The following RYR1 variants were observed in gnomAD, a reference collection of about 807,000 sequenced individuals.
The protein encoded by RYR1 is ryanodine receptor 1.
RYR1 carries 342 observed loss-of-function variants against 583.5 expected under a neutral mutation model. The observed-to-expected ratio is 0.59, with a 90% confidence interval of 0.54 to 0.64. The LOEUF is 0.64. Ranked by LOEUF, RYR1 falls within the 30% of genes least tolerant of loss-of-function variation. The pLI, the probability that RYR1 is intolerant of heterozygous loss-of-function variation, is 0.00. For synonymous variants in RYR1, 2,791 were observed against 2,822.5 expected, an observed-to-expected ratio of 0.99 and a Z score of 0.35; for missense variants, 6,032 against 6,917.2, an observed-to-expected ratio of 0.87 and a Z score of 4.54.
intron 64 of RYR1, among the ~76,000 whole-genome samples, 190 bp downstream of exon 64, chr19:38,515,297 G>A (rs2915942): frequency 7.2e-5 from 11 of 152,068 alleles, no homozygotes; most frequent in Non-Finnish European, 1.5e-4. Context: ...AGGTAGAGCC[G>A]CCAGGTCTGG....
At chr19:38,562,778 C>G (rs564835914) in intron 90 of RYR1, among the ~76,000 whole-genome samples, 17 of 152,214 alleles carry the variant, frequency 1.1e-4, no homozygotes, top group Non-Finnish European at 2.2e-4. Flanking sequence ...CCACGTCCAC[C>G]GTGCACACTG....
At position 38,551,352 on chromosome 19, in the gene RYR1, G is replaced by A. The variant is rs991442253; in HGVS notation, c.12282+2932G>A. On this transcript the variant is annotated intron_variant, in intron 89 of 105. Transcript: ENST00000359596. The stretch of plus-strand genomic sequence containing the variant: ...CCCGCCTCAGCCTCCCAGAGTGCTG[G>A]GATTACAGGTGTGAGCCACTGCACC... Among the ~76,000 whole-genome samples, 11 of 151,956 alleles carry A rather than the reference G, an allele frequency of 7.2e-5. No homozygotes were observed. The East Asian group carries it at 1.4e-3, about 19-fold the overall frequency.
chr19:38,567,929 G>T lies in RYR1; in HGVS notation c.13659+12G>T. The T allele has an allele frequency of 6.2e-7, 1 of 1,612,818 alleles. No homozygotes were observed. Among genetic ancestry groups the T allele is most frequent in the Non-Finnish European group, 8.5e-7 (1 of 1,179,862 alleles). On this transcript the variant is annotated intron_variant, in intron 93 of 105. Coordinates refer to ENST00000359596, the MANE Select transcript of RYR1 (RefSeq NM_000540.3). ...GGGTGAAGTTCCTGGTAAGGATCCAGCCAGGTCACCTGAACCTTCTTCTCC... is the reference window on the plus strand; with the variant it reads ...GGGTGAAGTTCCTGGTAAGGATCCATCCAGGTCACCTGAACCTTCTTCTCC...
At chr19:38,566,890 T>A in intron 91 of RYR1, 21 bp from the exon 92 acceptor site, 1 of 1,596,362 alleles carries the variant, frequency 6.3e-7, no homozygotes, top group Non-Finnish European at 8.5e-7. Context: ...GACTCAGCCC[T>A]GATGCTTGCC....
intron 31 of RYR1, among the ~76,000 whole-genome samples, chr19:38,480,600 G>T (rs1471810794): frequency 6.7e-6 from 1 of 149,568 alleles, no homozygotes; most frequent in Non-Finnish European, 1.5e-5. Context: ...TCACCTAAAA[G>T]AAAAAAAAAC....
chr19:38,471,589 G>GA (rs1314549466), intron 27 of RYR1, among the ~76,000 whole-genome samples: 1 of 150,470 alleles, frequency 6.6e-6, no homozygotes. Flanking sequence ...AAAGAGGAGA[G>GA]AAAAAAGACC....
At position 38,561,052 on chromosome 19, in the gene RYR1, AAAAAAGAG is replaced by A. The variant is rs1189769859; in HGVS notation, c.12283-59_12283-52del. On this transcript the variant is annotated intron_variant, in intron 89 of 105. Transcript: ENST00000359596. This position sits in a 1 kb window ranked among gnomAD's most constrained non-coding sequence, Gnocchi z 4.8. ...CGAGACCTTGTCTTAAAAAAAAAAA[AAAAAAGAG>A]AGAGAATTGAGGCTCTCCAGGTCAC... 8.2e-6 allele frequency: 12 copies of A among 1,463,990 alleles called. No individual in the cohort carries two copies. The highest frequency in any genetic ancestry group is 2.4e-5 in the East Asian group (1 of 42,412). 90.7% of individuals were successfully genotyped at this position (1,463,990 alleles called of 1,614,324 possible). A position where few individuals can be genotyped will look rare whatever the true frequency, so the allele number is the denominator to read the frequency against.
chr19:38,458,244 G>A lies in RYR1; in HGVS notation c.2119G>A (p.Gly707Ser), dbSNP rs376526576. 1 of 1,613,988 alleles carries A rather than the reference G, an allele frequency of 6.2e-7. No homozygotes were observed. The highest frequency in any genetic ancestry group is 8.5e-7 in the Non-Finnish European group (1 of 1,180,002). Residue 707 changes from glycine (G) to serine (S), a missense_variant, in exon 18 of 106, where the codon GGC becomes AGC. By Grantham distance (56) the Gly-to-Ser change is moderately conservative (BLOSUM62 0). This residue lies in a region of RYR1 where 2,627 missense variants were observed against 2,961.3 expected (regional missense o/e 0.89). Transcript: ENST00000359596. ...CGAGGGCTGGGGCGGCAACGGGGTCGGCGATGACCTCTATTCCTACGGCTT... is the reference window on the plus strand; with the variant it reads ...CGAGGGCTGGGGCGGCAACGGGGTCAGCGATGACCTCTATTCCTACGGCTT... ...AGEGWGGNGV[G>S]DDLYSYGFDG...
At chr19:38,537,749 T>C in intron 83 of RYR1, 131 bp from the exon 84 acceptor site, 4 of 861,146 alleles carry the variant, frequency 4.6e-6, no homozygotes, top group Middle Eastern at 3.3e-4. Flanking sequence ...GTCTTTGGAG[T>C]GGCAGCTGCT....
rs544169735 is a variant in RYR1, at chr19:38,502,840, C to T, written c.7836-40C>T. ...GCAGGGGCAGGGGCAGCAGAGCGGGCCTGGACGGGGGATTCTACATCTTGT... is the reference window on the plus strand; with the variant it reads ...GCAGGGGCAGGGGCAGCAGAGCGGGTCTGGACGGGGGATTCTACATCTTGT... On this transcript the variant is annotated intron_variant, in intron 48 of 105. Coordinates refer to ENST00000359596, the MANE Select transcript of RYR1 (RefSeq NM_000540.3). The T allele has an allele frequency of 1.8e-5, 28 of 1,590,932 alleles. No individual in the cohort carries two copies. The highest frequency in any genetic ancestry group is 8.4e-5 in the Admixed American group (5 of 59,302).
chr19:38,447,485 G>A (rs867715766), intron 9 of RYR1, among the ~76,000 whole-genome samples: 14 of 152,168 alleles, frequency 9.2e-5, no homozygotes, highest in African/African-American at 3.4e-4. Context: ...CGGTTGCAGT[G>A]AGCTGAGATT....
chr19:38,505,028 T>C lies in RYR1; in HGVS notation c.8257T>C (p.Ser2753Pro), dbSNP rs778813294. 10 of 1,614,114 alleles carry C rather than the reference T, an allele frequency of 6.2e-6. No individual in the cohort carries two copies. The South Asian group carries it at 1.1e-4, about 18-fold the overall frequency. ...LNVIIPEKLD[S>P]FINKFAEYTH... ...TGTGATCATCCCGGAGAAGCTGGACTCCTTCATTAACAAGTTTGCGGAGTA... is the reference window on the plus strand; with the variant it reads ...TGTGATCATCCCGGAGAAGCTGGACCCCTTCATTAACAAGTTTGCGGAGTA... Residue 2753 changes from serine to proline, a missense_variant, in exon 52 of 106, where the codon TCC (serine) becomes CCC (proline). By Grantham distance (74) the Ser-to-Pro change is moderately conservative (BLOSUM62 -1). Transcript: ENST00000359596.
chr19:38,566,774 C>T, intron 91 of RYR1, 137 bp from the exon 92 acceptor site: 2 of 1,486,626 alleles, frequency 1.3e-6, no homozygotes, highest in Non-Finnish European at 1.8e-6. Context: ...TCATAATCTG[C>T]CTCTTTCTGG....
chr19:38,514,899 A>T (rs114618055), intron 63 of RYR1, 127 bp from the exon 64 acceptor site: 1 of 710,822 alleles, frequency 1.4e-6, no homozygotes. Context: ...AGACTCGTAC[A>T]TGGAAGGCTG....
In RYR1 at chr19:38,506,851, G is replaced by C. The variant is rs368684717; in HGVS notation, c.8715G>C (p.Leu2905=). The C allele has an allele frequency of 1.2e-4, 199 of 1,614,054 alleles. No homozygotes were observed. Among genetic ancestry groups the C allele is most frequent in the Middle Eastern group, 1.2e-3 (7 of 6,020 alleles). ...EAKGGGTHPL[L]VPYDTLTAKE... ...CAGGCGGTGGGACCCACCCCCTGCT[G>C]GTCCCCTACGACACGCTCACGGCCA... The change falls in exon 57 of 106, where the codon CTG becomes CTC. Residue 2905 remains leucine (L), a synonymous_variant. Coordinates refer to ENST00000359596, the MANE Select transcript of RYR1 (RefSeq NM_000540.3).
chr19:38,582,591 C>G (rs1974264703), intron 101 of RYR1, among the ~76,000 whole-genome samples: 1 of 152,024 alleles, frequency 6.6e-6, no homozygotes, highest in African/African-American at 2.4e-5. Context: ...TTTGAGGTTG[C>G]AGTGTGCTAT....
At chr19:38,548,874 G>A (rs1028650213) in intron 89 of RYR1, among the ~76,000 whole-genome samples, 1 of 152,166 alleles carries the variant, frequency 6.6e-6, no homozygotes, top group African/African-American at 2.4e-5. Context: ...GAGCCACCTC[G>A]CTCAGCCCCC....
intron 89 of RYR1, among the ~76,000 whole-genome samples, chr19:38,551,204 G>C (rs1280841462): frequency 6.6e-6 from 1 of 151,272 alleles, no homozygotes; most frequent in Admixed American, 6.6e-5. Context: ...GCACCACCAT[G>C]CCTGGCTAAT....
chr19:38,496,409 G>A lies in RYR1; in HGVS notation c.6664G>A (p.Glu2222Lys), dbSNP rs778073431. The A allele has an allele frequency of 3.1e-6, 5 of 1,613,740 alleles. No individual in the cohort carries two copies. The South Asian group carries it at 4.4e-5, about 14-fold the overall frequency. ...VNVLGGGESK[E>K]IRFPKMVTSC... The stretch of plus-strand genomic sequence containing the variant: ...GCCCTGACCACCCTGCCTGTCCCAG[G>A]AGATCCGCTTCCCCAAGATGGTGAC... The change falls in exon 41 of 106, where the codon GAG becomes AAG. Residue 2222 changes from glutamate (E) to lysine (K), a missense_variant and splice_region_variant. This residue lies in a region of RYR1 where 2,627 missense variants were observed against 2,961.3 expected (regional missense o/e 0.89). Coordinates refer to ENST00000359596, the MANE Select transcript of RYR1 (RefSeq NM_000540.3). The surrounding 1 kb of genome is among the most constrained non-coding windows in gnomAD (Gnocchi z 4.8).
Sources: allele counts gnomAD v4.1 joint callset (sites outside exome capture counted in the v4.1 genomes callset), GRCh38; gene constraint gnomAD v4.1.1; regional missense constraint gnomAD v4.1.1; non-coding constraint Gnocchi (gnomAD v3.1); transcripts MANE v1.5; gene names NCBI Gene and HGNC (gene_info 2026-07-23, HGNC 2026-07-21).